The following IL1RAPL1 variants were observed in gnomAD, a reference collection of about 807,000 sequenced individuals.
IL1RAPL1 encodes interleukin 1 receptor accessory protein like 1, also known as interleukin-1 receptor accessory protein-like 1.
Under a neutral mutation model 48.4 loss-of-function variants are expected in IL1RAPL1, and 3 were observed. That is an observed-to-expected ratio of 0.06 (90% CI 0.03 to 0.16). The LOEUF is 0.16. Among genes scored for constraint, IL1RAPL1 ranks in the 10% least tolerant of loss-of-function variants. The pLI is 1.00. For missense variants in IL1RAPL1, 349 were observed against 530.6 expected (o/e 0.66, Z 3.36); for synonymous variants, 185 against 187.7 (o/e 0.99, Z 0.12).
intron 1 of IL1RAPL1, among the ~76,000 whole-genome samples, chrX:28,707,271 C>A (rs1283085236): frequency 8.9e-6 from 1 of 112,184 alleles, no homozygotes; most frequent in Non-Finnish European, 1.9e-5. Flanking sequence ...GGGAGAAGCC[C>A]TCAAGCAATG....
chrX:29,488,694 TATATAACTATGAGAGGTGGTGCAC>T (rs1935124292), intron 5 of IL1RAPL1, among the ~76,000 whole-genome samples: 1 of 108,930 alleles, frequency 9.2e-6, no homozygotes, highest in Admixed American at 9.7e-5. Context: ...AGGTGGTGCA[TATATAACTATGAGAGGTGGTGCAC>T]ATATAACTAT....
chrX:29,381,833 A>AATATATATATATATATAT (rs35091339), intron 3 of IL1RAPL1, among the ~76,000 whole-genome samples: 7 of 25,381 alleles, frequency 2.8e-4, no homozygotes, highest in African/African-American at 7.0e-4. Flanking sequence ...AAAAAAAAAA[A>AATATATATATATATATAT]ATATATATAT....
chrX:29,066,024 T>C (rs1927444527), intron 2 of IL1RAPL1, among the ~76,000 whole-genome samples: 1 of 111,817 alleles, frequency 8.9e-6, no homozygotes, highest in African/African-American at 3.2e-5. Context: ...AACCTGACAT[T>C]TGGCCTCTTT....
chrX:28,964,373 T>A (rs6630796), intron 2 of IL1RAPL1, among the ~76,000 whole-genome samples: 1 of 111,997 alleles, frequency 8.9e-6, no homozygotes, highest in African/African-American at 3.2e-5. Flanking sequence ...TTTATTTCCC[T>A]TTATTTGCTG....
At chrX:28,737,303 C>A (rs1935855035) in intron 1 of IL1RAPL1, among the ~76,000 whole-genome samples, 1 of 103,278 alleles carries the variant, frequency 9.7e-6, no homozygotes, top group African/African-American at 3.6e-5. Context: ...GTTGCACAGG[C>A]TGGAGGACAG....
intron 3 of IL1RAPL1, among the ~76,000 whole-genome samples, chrX:29,350,467 G>A (rs1325184248): frequency 1.9e-5 from 2 of 107,193 alleles, no homozygotes; most frequent in Non-Finnish European, 3.8e-5. Context: ...CACTGTCTAT[G>A]TGGAATTTGC....
intron 3 of IL1RAPL1, among the ~76,000 whole-genome samples, chrX:29,385,689 C>T (rs958011460): frequency 8.9e-6 from 1 of 112,478 alleles, no homozygotes; most frequent in Non-Finnish European, 1.9e-5. Flanking sequence ...AATGTCATTG[C>T]TTTTTAAGTC....
intron 6 of IL1RAPL1, among the ~76,000 whole-genome samples, chrX:29,795,479 C>T (rs369530275): frequency 4.5e-5 from 5 of 112,275 alleles, no homozygotes; most frequent in African/African-American, 1.6e-4. Context: ...GGCACAATCT[C>T]GGCTCACTGT....
At chrX:28,934,425 A>G (rs1569202741) in intron 2 of IL1RAPL1, among the ~76,000 whole-genome samples, 1 of 110,636 alleles carries the variant, frequency 9.0e-6, no homozygotes, top group Admixed American at 9.7e-5. Context: ...GTACAATTAA[A>G]TTTTTTTTAG....
chrX:29,660,819 T>C (rs1009465810), intron 5 of IL1RAPL1, among the ~76,000 whole-genome samples: 7 of 112,304 alleles, frequency 6.2e-5, no homozygotes, highest in Non-Finnish European at 1.3e-4. Context: ...CCTTGGGCTC[T>C]ATTTCGTTCC....
At chrX:29,526,187 A>T (rs1373489713) in intron 5 of IL1RAPL1, among the ~76,000 whole-genome samples, 1 of 112,041 alleles carries the variant, frequency 8.9e-6, no homozygotes, top group African/African-American at 3.2e-5. Context: ...ACTCTGTTTC[A>T]GGATGTCTTC....
intron 5 of IL1RAPL1, among the ~76,000 whole-genome samples, chrX:29,465,552 A>G (rs1367336452): frequency 8.9e-6 from 1 of 111,908 alleles, no homozygotes; most frequent in African/African-American, 3.3e-5. Context: ...TATACATTGA[A>G]ATCACCTGGG....
chrX:28,930,039 G>T (rs1387714319), intron 2 of IL1RAPL1, among the ~76,000 whole-genome samples: 1 of 110,686 alleles, frequency 9.0e-6, no homozygotes, highest in Non-Finnish European at 1.9e-5. Flanking sequence ...AGTATTCTGT[G>T]GACAGCTTAG....
chrX:28,998,388 C>T (rs1040094177), intron 2 of IL1RAPL1, among the ~76,000 whole-genome samples: 6 of 111,524 alleles, frequency 5.4e-5, no homozygotes, highest in Non-Finnish European at 1.1e-4. Flanking sequence ...CTACAATTCT[C>T]CTTCTTCAAT....
chrX:29,064,048 A>G (rs1474895844), intron 2 of IL1RAPL1, among the ~76,000 whole-genome samples: 2 of 111,891 alleles, frequency 1.8e-5, no homozygotes, highest in African/African-American at 3.3e-5. Flanking sequence ...AGACCCAACC[A>G]GCAGCAAGAG....
intron 3 of IL1RAPL1, among the ~76,000 whole-genome samples, chrX:29,328,316 A>G (rs1476941594): frequency 8.9e-6 from 1 of 111,810 alleles, no homozygotes; most frequent in East Asian, 2.8e-4. Flanking sequence ...AACAATGGAA[A>G]GAGTGGTAAA....
At chrX:29,039,546 T>C (rs772662088) in intron 2 of IL1RAPL1, among the ~76,000 whole-genome samples, 1 of 110,999 alleles carries the variant, frequency 9.0e-6, no homozygotes, top group Non-Finnish European at 1.9e-5. Flanking sequence ...CCCAGAAGTT[T>C]AGGAGCCTTG....
chrX:29,276,690 T>C (rs769105407), intron 2 of IL1RAPL1, among the ~76,000 whole-genome samples: 2 of 111,596 alleles, frequency 1.8e-5, no homozygotes, highest in East Asian at 2.8e-4. Flanking sequence ...AGGTTTTTTT[T>C]TCTTTTTTAA....
chrX:29,418,467 G>T (rs1471975950), intron 5 of IL1RAPL1, among the ~76,000 whole-genome samples: 1 of 110,512 alleles, frequency 9.0e-6, no homozygotes, highest in East Asian at 2.8e-4. Flanking sequence ...AGCAAACTTG[G>T]TTATCAATGT....
Sources: gnomAD v4.1 joint callset for allele counts (sites outside exome capture counted in the v4.1 genomes callset) on GRCh38, gnomAD v4.1.1 for gene constraint, MANE v1.5 for transcripts, NCBI Gene and HGNC (gene_info 2026-07-23, HGNC 2026-07-21) for gene names.